The following SHANK2 variants were observed in gnomAD, a reference collection of about 807,000 sequenced individuals.
SHANK2 encodes SH3 and multiple ankyrin repeat domains protein 2.
SHANK2 carries 43 observed loss-of-function variants against 133.7 expected under a neutral mutation model. The observed-to-expected ratio is 0.32, with a 90% CI of 0.25 to 0.41. SHANK2 has a LOEUF of 0.41. SHANK2 is among the 10% of genes least tolerant of loss of function. The pLI, the probability that SHANK2 is intolerant of heterozygous loss-of-function variation, is 1.00. For missense variants in SHANK2, 1,994 were observed against 2,235.8 expected, an observed-to-expected ratio of 0.89 and a Z score of 2.18; for synonymous variants, 1,017 against 952.8, an observed-to-expected ratio of 1.07 and a Z score of -1.24.
At chr11:70,555,609 C>T (rs1362685344) in intron 17 of SHANK2, among the ~76,000 whole-genome samples, 3 of 152,136 alleles carry the variant, frequency 2.0e-5, no homozygotes, top group Non-Finnish European at 4.4e-5. Flanking sequence ...GCTTGTAGGT[C>T]GCAGCTACTC....
chr11:70,757,553 G>T (rs1285983182), intron 14 of SHANK2, among the ~76,000 whole-genome samples: 2 of 152,226 alleles, frequency 1.3e-5, no homozygotes, highest in African/African-American at 4.8e-5. Context: ...ATTGTGGCAC[G>T]TGCCAGGCTG....
At chr11:70,814,670 C>T (rs1372014116) in intron 12 of SHANK2, among the ~76,000 whole-genome samples, 5 of 152,256 alleles carry the variant, frequency 3.3e-5, no homozygotes, top group African/African-American at 9.6e-5. Flanking sequence ...CCAGCCCCTG[C>T]CTGTGTGGCC....
chr11:70,868,453 T>C (rs1482646587), intron 11 of SHANK2, among the ~76,000 whole-genome samples: 1 of 152,204 alleles, frequency 6.6e-6, no homozygotes, highest in Non-Finnish European at 1.5e-5. Context: ...TGCTACTAGC[T>C]GGGCACGAGG....
At chr11:71,155,800 C>A (rs11600153) in intron 2 of SHANK2, among the ~76,000 whole-genome samples, 15,831 of 152,120 alleles carry the variant, frequency 0.1, 1,055 homozygotes, top group Non-Finnish European at 0.14. Flanking sequence ...CACGTAGCCC[C>A]CAGGCACCAG....
chr11:71,210,224 A>G (rs1423487707), intron 2 of SHANK2, among the ~76,000 whole-genome samples: 32 of 65,210 alleles, frequency 4.9e-4, no homozygotes, highest in East Asian at 4.5e-3. Context: ...ATATATATAT[A>G]TATATATATA....
At chr11:70,865,391 G>T (rs542380383) in intron 11 of SHANK2, among the ~76,000 whole-genome samples, 1 of 152,294 alleles carries the variant, frequency 6.6e-6, no homozygotes, top group African/African-American at 2.4e-5. Flanking sequence ...TAGAGCACAG[G>T]AGCAGGGAAA....
chr11:71,251,767 C>T (rs1948185942), intron 1 of SHANK2, among the ~76,000 whole-genome samples: 1 of 150,900 alleles, frequency 6.6e-6, no homozygotes, highest in African/African-American at 2.4e-5. Flanking sequence ...GCGCCCGACC[C>T]GCCACCCCCG....
chr11:70,905,416 A>G (rs2938253), intron 10 of SHANK2, among the ~76,000 whole-genome samples: 44,154 of 151,996 alleles, frequency 0.29, 8,600 homozygotes, highest in African/African-American at 0.56. Flanking sequence ...TTCCTGCTTC[A>G]TGTAAGCCTG....
chr11:70,825,261 C>T (rs1948620340), intron 11 of SHANK2, among the ~76,000 whole-genome samples: 2 of 152,140 alleles, frequency 1.3e-5, no homozygotes, highest in Non-Finnish European at 2.9e-5. Flanking sequence ...CAGAATTAAC[C>T]TAACACCAAA....
Position 70,472,603 on chromosome 11 carries a change from A to T in SHANK2, c.*266T>A. On this transcript the variant is annotated 3_prime_UTR_variant, in exon 26 of 26. Transcript: ENST00000601538. The surrounding 1 kb of genome is among the most constrained non-coding windows in gnomAD (Gnocchi z 4.4). ...CGAGGCCACCTGCATGCTGGGCGGC[A>T]GGCTGAGAATCTTTTTCCATGTTAG... The T allele has an allele frequency of 1.9e-6, 1 of 516,852 alleles. No homozygotes were observed. Among genetic ancestry groups the T allele is most frequent in the Non-Finnish European group, 3.5e-6 (1 of 284,360 alleles). The allele number at this position is 516,852 out of a possible 1,614,324, so 32.0% of individuals were successfully genotyped here.
chr11:70,661,866 G>A, intron 15 of SHANK2, 188 bp from the exon 16 acceptor site: 3 of 1,529,244 alleles, frequency 2.0e-6, no homozygotes, highest in Non-Finnish European at 2.7e-6. Flanking sequence ...GTGGCTACCG[G>A]GATAGGCGAG....
chr11:70,954,180 A>C (rs894881240), intron 10 of SHANK2, among the ~76,000 whole-genome samples: 1 of 152,236 alleles, frequency 6.6e-6, no homozygotes, highest in Non-Finnish European at 1.5e-5. Flanking sequence ...GGAAGGCACA[A>C]CCAAACAGTC....
intron 14 of SHANK2, among the ~76,000 whole-genome samples, chr11:70,795,407 CT>C (rs71049944): frequency 0.014 from 1,830 of 128,370 alleles, 33 homozygotes; most frequent in African/African-American, 0.049. Context: ...CTTTCTTTTT[CT>C]TTTTTTTTTT....
At chr11:70,744,210 C>T (rs146453994) in intron 14 of SHANK2, among the ~76,000 whole-genome samples, 2 of 152,356 alleles carry the variant, frequency 1.3e-5, no homozygotes, top group East Asian at 3.9e-4. Context: ...ATGGCCGAGG[C>T]TTTAGCCCAA....
At chr11:71,154,149 C>G (rs1555108624) in intron 2 of SHANK2, among the ~76,000 whole-genome samples, 4 of 152,136 alleles carry the variant, frequency 2.6e-5, no homozygotes, top group African/African-American at 9.7e-5. Context: ...TTTGTGCATT[C>G]CTGTGTGTAA....
At chr11:70,861,360 T>A (rs1429439472) in intron 11 of SHANK2, among the ~76,000 whole-genome samples, 1 of 152,166 alleles carries the variant, frequency 6.6e-6, no homozygotes, top group Non-Finnish European at 1.5e-5. Flanking sequence ...CTCTGATGCC[T>A]CAAAAGTGTA....
At chr11:70,619,100 C>G (rs2060795632) in intron 17 of SHANK2, among the ~76,000 whole-genome samples, 1 of 152,214 alleles carries the variant, frequency 6.6e-6, no homozygotes, top group African/African-American at 2.4e-5. Flanking sequence ...GGACCCCAGC[C>G]CAGCCTGTGA....
At chr11:71,090,287 GT>G (rs1951486470) in intron 8 of SHANK2, among the ~76,000 whole-genome samples, 1 of 129,568 alleles carries the variant, frequency 7.7e-6, no homozygotes, top group African/African-American at 3.1e-5. Context: ...GTGTGTGTGT[GT>G]GTGTCCTGCT....
intron 17 of SHANK2, among the ~76,000 whole-genome samples, chr11:70,509,660 C>T (rs934230254): frequency 6.6e-6 from 1 of 152,214 alleles, no homozygotes; most frequent in Non-Finnish European, 1.5e-5. Context: ...TGTCTATGTC[C>T]CCCCAGTCTA....
Sources: allele counts gnomAD v4.1 joint callset (sites outside exome capture counted in the v4.1 genomes callset), GRCh38; gene constraint gnomAD v4.1.1; non-coding constraint Gnocchi (gnomAD v3.1); transcripts MANE v1.5; gene names NCBI Gene and HGNC (gene_info 2026-07-23, HGNC 2026-07-21).